Variants in MYO1D observed in about 807,000 individuals in gnomAD.
MYO1D encodes the protein myosin ID.
A neutral mutation model predicts 122.0 loss-of-function variants in MYO1D; 83 were observed. The ratio of observed to expected loss-of-function variants is 0.68; its 90% CI spans 0.57 to 0.82. The LOEUF (loss-of-function observed/expected upper bound fraction) is 0.82, where lower values mean the gene tolerates loss of function less well. MYO1D is among the 40% of genes least tolerant of loss of function. MYO1D has a pLI of 0.00. For synonymous variants in MYO1D, 464 were observed against 446.9 expected (o/e 1.04, Z -0.48); for missense variants, 1,157 against 1,269.5 (o/e 0.91, Z 1.35).
intron 16 of MYO1D, among the ~76,000 whole-genome samples, chr17:32,705,087 A>G (rs2089289910): frequency 1.3e-5 from 2 of 152,236 alleles, no homozygotes; most frequent in African/African-American, 4.8e-5. Flanking sequence ...TACACGACTG[A>G]GTACTGTTGA....
chr17:32,587,963 A>G (rs1567899529), intron 21 of MYO1D, among the ~76,000 whole-genome samples: 1 of 152,272 alleles, frequency 6.6e-6, no homozygotes, highest in Non-Finnish European at 1.5e-5. Flanking sequence ...AAAGGCTATT[A>G]ATTGCCATCT....
rs1567636667 is a variant in MYO1D, at chr17:32,775,946, C to CTT, written c.481_482insAA (p.Arg161LysfsTer27). 2 of 1,613,852 alleles carry CTT rather than the reference C, an allele frequency of 1.2e-6. No individual in the cohort carries two copies. Among genetic ancestry groups the CTT allele is most frequent in the Non-Finnish European group, 1.7e-6 (2 of 1,179,880 alleles). On this transcript the variant is annotated frameshift_variant, in exon 4 of 22. Coordinates refer to ENST00000318217, the MANE Select transcript of MYO1D (RefSeq NM_015194.3). LOFTEE classifies it high-confidence loss of function. ...GTTGATATCCATGTATTTTCCAAAC[C>CTT]TGCTTGAGTTGTCATTACGGTTGGT...
chr17:32,822,052 C>G (rs1183998810), intron 1 of MYO1D, among the ~76,000 whole-genome samples: 1 of 152,190 alleles, frequency 6.6e-6, no homozygotes, highest in Non-Finnish European at 1.5e-5. Flanking sequence ...ATAAATCATG[C>G]TGCTATAAAG....
intron 16 of MYO1D, among the ~76,000 whole-genome samples, chr17:32,661,474 G>A (rs1055187423): frequency 1.3e-5 from 2 of 152,078 alleles, no homozygotes; most frequent in Non-Finnish European, 2.9e-5. Flanking sequence ...GCAACATGGT[G>A]AAACCCTGTC....
At chr17:32,607,102 G>A (rs534020180) in intron 20 of MYO1D, among the ~76,000 whole-genome samples, 82 of 152,330 alleles carry the variant, frequency 5.4e-4, no homozygotes, top group Non-Finnish European at 9.1e-4. Context: ...GGAGGTTGCA[G>A]TGAGTTGAGA....
At chr17:32,648,577 C>G (rs955006627) in intron 19 of MYO1D, among the ~76,000 whole-genome samples, 10 of 152,174 alleles carry the variant, frequency 6.6e-5, no homozygotes, top group African/African-American at 2.4e-4. Context: ...CACCCCTTAA[C>G]CTTCACGGAG....
chr17:32,519,998 C>T (rs1038874100), intron 21 of MYO1D, among the ~76,000 whole-genome samples: 3 of 151,836 alleles, frequency 2.0e-5, no homozygotes, highest in African/African-American at 7.3e-5. Flanking sequence ...TTAGTGGAAA[C>T]CCTGAAGACT....
chr17:32,848,867 T>A (rs1216186797), intron 1 of MYO1D, among the ~76,000 whole-genome samples: 1 of 152,180 alleles, frequency 6.6e-6, no homozygotes. Context: ...ATAAGCCACA[T>A]TGTAATAAAG....
At chr17:32,656,136 G>C (rs571595065) in intron 17 of MYO1D, among the ~76,000 whole-genome samples, 4 of 152,320 alleles carry the variant, frequency 2.6e-5, no homozygotes, top group Admixed American at 2.6e-4. Flanking sequence ...TCTGCCACAG[G>C]AGCTTGAAGT....
intron 20 of MYO1D, among the ~76,000 whole-genome samples, chr17:32,621,242 G>A (rs2150925653): frequency 6.6e-6 from 1 of 152,154 alleles, no homozygotes; most frequent in African/African-American, 2.4e-5. Flanking sequence ...TTGGATTAGG[G>A]ATGCTCAGCC....
intron 21 of MYO1D, chr17:32,530,078 C>T (rs1910462589): frequency 6.6e-6 from 1 of 152,138 alleles, no homozygotes; most frequent in Non-Finnish European, 1.5e-5. Context: ...TCTCAGTTCT[C>T]CAGGGACAAT....
At chr17:32,684,818 G>A (rs2088982545) in intron 16 of MYO1D, among the ~76,000 whole-genome samples, 1 of 152,166 alleles carries the variant, frequency 6.6e-6, no homozygotes, top group African/African-American at 2.4e-5. Context: ...ATTTGCCAAT[G>A]AACAACTTGA....
At chr17:32,507,296 C>T (rs1009621800) in intron 21 of MYO1D, among the ~76,000 whole-genome samples, 6 of 151,586 alleles carry the variant, frequency 4.0e-5, no homozygotes, top group South Asian at 2.1e-4. Context: ...TCCAGCTACT[C>T]GGGAGGCTGA....
intron 16 of MYO1D, among the ~76,000 whole-genome samples, chr17:32,697,018 G>T (rs2089181611): frequency 6.6e-6 from 1 of 152,134 alleles, no homozygotes; most frequent in Non-Finnish European, 1.5e-5. Flanking sequence ...AGTTAATTAA[G>T]ATTTTGGCAA....
chr17:32,785,286 T>C (rs1163729305), intron 1 of MYO1D, among the ~76,000 whole-genome samples: 1 of 152,216 alleles, frequency 6.6e-6, no homozygotes, highest in Admixed American at 6.5e-5. Flanking sequence ...TCTTGAAATA[T>C]ATGGAACCAA....
At chr17:32,780,510 T>C (rs992903711) in intron 2 of MYO1D, 66 bp downstream of exon 2, 8 of 1,493,306 alleles carry the variant, frequency 5.4e-6, no homozygotes, top group Admixed American at 3.4e-5. Context: ...ATTGTTTGGA[T>C]TCTTGAGTAT....
intron 16 of MYO1D, among the ~76,000 whole-genome samples, chr17:32,691,747 A>C (rs1319592542): frequency 6.6e-6 from 1 of 152,162 alleles, no homozygotes; most frequent in Non-Finnish European, 1.5e-5. Flanking sequence ...ATATATTCTT[A>C]AGATTTTCCT....
At chr17:32,602,684 T>C (rs1027402995) in intron 21 of MYO1D, 1 of 152,174 alleles carries the variant, frequency 6.6e-6, no homozygotes, top group African/African-American at 2.4e-5. Context: ...TTTTGAGCCC[T>C]TTCCTCCCAA....
At chr17:32,673,321 C>T (rs905273331) in intron 16 of MYO1D, among the ~76,000 whole-genome samples, 1 of 151,634 alleles carries the variant, frequency 6.6e-6, no homozygotes. Flanking sequence ...CCAGGCTGGT[C>T]CTGAACTCTT....
Sources: allele counts gnomAD v4.1 joint callset (sites outside exome capture counted in the v4.1 genomes callset), GRCh38; gene constraint gnomAD v4.1.1; transcripts MANE v1.5; gene names NCBI Gene and HGNC (gene_info 2026-07-23, HGNC 2026-07-21).